Variants in ADSS1 observed in about 807,000 individuals in gnomAD.
ADSS1 encodes adenylosuccinate synthetase isozyme 1.
Under a neutral mutation model 59.1 loss-of-function variants are expected in ADSS1, and 57 were observed. The observed-to-expected ratio is 0.97, with a 90% confidence interval of 0.78 to 1.20. The LOEUF is 1.20. Among genes scored for constraint, ADSS1 ranks in the 50% most tolerant of loss-of-function variants. The probability of loss-of-function intolerance (pLI) is 0.00; values close to 1 mark genes in which losing one functional copy is unlikely to be tolerated. For missense variants in ADSS1, 603 were observed against 610.3 expected (o/e 0.99, Z 0.13); for synonymous variants, 247 against 249.4 (o/e 0.99, Z 0.09).
Position 104,746,311 on chromosome 14 carries a change from C to G in ADSS1, c.1247C>G (p.Ala416Gly). ...LPGWKADTTGARRWEDLPPQA... is the reference protein window; with the variant it reads ...LPGWKADTTGGRRWEDLPPQA... ...GGGTGGAAAGCAGACACCACAGGCG[C>G]CAGGAGGTGGGAGGACCTGCCCCCA... Residue 416 changes from alanine (A) to glycine (G), a missense_variant, in exon 12 of 13, where the codon GCC becomes GGC. Physicochemically the swap from Ala to Gly is moderately conservative, Grantham distance 60 (BLOSUM62 0). Transcript: ENST00000330877. 1 of 1,613,780 alleles carries G rather than the reference C, an allele frequency of 6.2e-7. No individual in the cohort carries two copies.
chr14:104,733,078 C>T (rs1260494416), intron 1 of ADSS1, among the ~76,000 whole-genome samples: 1 of 152,144 alleles, frequency 6.6e-6, no homozygotes, highest in African/African-American at 2.4e-5. Context: ...GTACCCTGAC[C>T]CTCCACCCCC....
chr14:104,734,559 G>A (rs1891047763), intron 1 of ADSS1, among the ~76,000 whole-genome samples: 1 of 152,248 alleles, frequency 6.6e-6, no homozygotes, highest in African/African-American at 2.4e-5. Flanking sequence ...GAACAGGGCT[G>A]GCTCAGAATG....
intron 1 of ADSS1, among the ~76,000 whole-genome samples, 195 bp from the exon 2 acceptor site, chr14:104,734,825 C>T (rs971277040): frequency 6.6e-6 from 1 of 152,232 alleles, no homozygotes; most frequent in Non-Finnish European, 1.5e-5. Flanking sequence ...GACCAAACTG[C>T]TGCCCTCCTT....
At chr14:104,725,041 GCCTGAGGGAGGGT>G (rs963138480) in intron 1 of ADSS1, among the ~76,000 whole-genome samples, 5 of 152,180 alleles carry the variant, frequency 3.3e-5, no homozygotes, top group Non-Finnish European at 7.4e-5. Flanking sequence ...TTGGGGCCGC[GCCTGAGGGAGGGT>G]GCTTGGGACG....
intron 4 of ADSS1, 185 bp from the exon 5 acceptor site, chr14:104,739,565 G>A (rs971184306): frequency 2.2e-6 from 2 of 899,076 alleles, no homozygotes; most frequent in Non-Finnish European, 3.4e-6. Flanking sequence ...GGGGTCACTA[G>A]CCCATTTGCA....
At chr14:104,728,157 C>T (rs779104507) in intron 1 of ADSS1, among the ~76,000 whole-genome samples, 16 of 152,142 alleles carry the variant, frequency 1.1e-4, no homozygotes, top group Non-Finnish European at 2.1e-4. Flanking sequence ...CTCTGGGCAC[C>T]CTTTCCAAGG....
At position 104,746,368 on chromosome 14, in the gene ADSS1, A is replaced by G; in HGVS notation, c.1304A>G (p.Asn435Ser). The G allele has an allele frequency of 6.8e-6, 11 of 1,612,404 alleles. No homozygotes were observed. Among genetic ancestry groups the G allele is most frequent in the Non-Finnish European group, 7.6e-6 (9 of 1,179,004 alleles). ...QAQNYIRFVENHVGVAVKWVG... is the reference protein window; with the variant it reads ...QAQNYIRFVESHVGVAVKWVG... The stretch of plus-strand genomic sequence containing the variant: ...CAGAACTACATCCGCTTTGTGGAGA[A>G]TCACGTGGGAGTCGCAGGTGGGTGC... The change falls in exon 12 of 13, where the codon AAT (asparagine) becomes AGT (serine). Residue 435 changes from asparagine (N) to serine (S), a missense_variant. Coordinates refer to ENST00000330877, the MANE Select transcript of ADSS1 (RefSeq NM_152328.5).
At chr14:104,743,993 C>T (rs1475845070) in intron 10 of ADSS1, among the ~76,000 whole-genome samples, 22 of 151,654 alleles carry the variant, frequency 1.5e-4, no homozygotes. Flanking sequence ...AGGCTTTGCC[C>T]ACGGAGGGAG....
At chr14:104,733,376 T>G (rs531358209) in intron 1 of ADSS1, among the ~76,000 whole-genome samples, 211 of 152,188 alleles carry the variant, frequency 1.4e-3, no homozygotes, top group African/African-American at 4.6e-3. Context: ...TGTGTGAAGT[T>G]ACGTCCCAGG....
intron 2 of ADSS1, 46 bp from the exon 3 acceptor site, chr14:104,738,330 T>C: frequency 6.2e-7 from 1 of 1,602,322 alleles, no homozygotes; most frequent in Non-Finnish European, 8.5e-7. Context: ...TGTTTTCCAG[T>C]GTCTGGGACA....
chr14:104,747,074 C>A lies in ADSS1; in HGVS notation c.*71C>A. On this transcript the variant is annotated 3_prime_UTR_variant, in exon 13 of 13. Coordinates refer to ENST00000330877, the MANE Select transcript of ADSS1 (RefSeq NM_152328.5). The stretch of plus-strand genomic sequence containing the variant: ...TGTGTAAACAGCAGCAGTCACGTTC[C>A]TCGGCCGCCACAACCAACACCAAAG... 1.4e-6 allele frequency: 2 copies of A among 1,403,794 alleles called. No homozygotes were observed. The highest frequency in any genetic ancestry group is 2.0e-6 in the Non-Finnish European group (2 of 1,021,068). The allele number at this position is 1,403,794 out of a possible 1,614,324, so 87.0% of individuals were successfully genotyped here. A position where few individuals can be genotyped will look rare whatever the true frequency, so the allele number is the denominator to read the frequency against.
At chr14:104,746,202 T>G in intron 11 of ADSS1, 34 bp from the exon 12 acceptor site, 4 of 1,575,956 alleles carry the variant, frequency 2.5e-6, no homozygotes, top group Non-Finnish European at 3.5e-6. Context: ...AGGAGGTCTG[T>G]GGGCCCCACT....
At chr14:104,739,595 A>G (rs1891257756) in intron 4 of ADSS1, 155 bp from the exon 5 acceptor site, 7 of 943,664 alleles carry the variant, frequency 7.4e-6, no homozygotes, top group Non-Finnish European at 1.1e-5. Flanking sequence ...ACTGAGCCCC[A>G]GACACTCATG....
intron 1 of ADSS1, among the ~76,000 whole-genome samples, chr14:104,727,751 G>A (rs539079736): frequency 2.8e-4 from 42 of 152,306 alleles, no homozygotes; most frequent in African/African-American, 7.5e-4. Context: ...GGCAGTGCCC[G>A]GCCTTCACCC....
At chr14:104,739,231 G>A (rs1891240723) in intron 3 of ADSS1, 97 bp from the exon 4 acceptor site, 8 of 1,341,540 alleles carry the variant, frequency 6.0e-6, no homozygotes, top group South Asian at 1.3e-5. Context: ...GCCTTACCTG[G>A]ATGGGAGCCG....
At chr14:104,741,338 G>A (rs1891347805) in intron 8 of ADSS1, 95 bp downstream of exon 8, 3 of 1,469,206 alleles carry the variant, frequency 2.0e-6, no homozygotes, top group African/African-American at 1.4e-5. Flanking sequence ...GGGAGGGAGG[G>A]GCAGACCCGC....
chr14:104,741,783 T>G (rs1054064845), intron 8 of ADSS1, 65 bp from the exon 9 acceptor site: 34 of 1,586,270 alleles, frequency 2.1e-5, no homozygotes, highest in Non-Finnish European at 2.7e-5. Context: ...AGAAGGCCTC[T>G]TGGGCCGGGT....
chr14:104,741,068 C>T, intron 7 of ADSS1, 49 bp from the exon 8 acceptor site: 1 of 1,584,412 alleles, frequency 6.3e-7, no homozygotes, highest in Non-Finnish European at 8.6e-7. Context: ...CGCAGGCCTC[C>T]CCTGCCCCAG....
chr14:104,731,193 C>T (rs1035085925), intron 1 of ADSS1, among the ~76,000 whole-genome samples: 1 of 152,216 alleles, frequency 6.6e-6, no homozygotes, highest in South Asian at 2.1e-4. Flanking sequence ...GTCTCTCTCA[C>T]TCGCACCCTT....
Sources: gnomAD v4.1 joint callset for allele counts (sites outside exome capture counted in the v4.1 genomes callset) on GRCh38, gnomAD v4.1.1 for gene constraint, MANE v1.5 for transcripts, NCBI Gene and HGNC (gene_info 2026-07-23, HGNC 2026-07-21) for gene names.